NAV1: variants seen among roughly 807,000 people sequenced by gnomAD.
NAV1 encodes neuron navigator 1, also known as pore membrane and/or filament interacting like protein 3.
In NAV1, 18 loss-of-function variants were observed where a neutral mutation model predicts 175.2. The observed-to-expected ratio is 0.10, with a 90% CI of 0.07 to 0.15. NAV1 has a LOEUF of 0.15. Among genes scored for constraint, NAV1 ranks in the 10% least tolerant of loss-of-function variants. NAV1 has a pLI of 1.00. For synonymous variants in NAV1, 897 were observed against 978.7 expected (o/e 0.92, Z 1.56); for missense variants, 1,731 against 2,436.6 (o/e 0.71, Z 6.10).
intron 1 of NAV1, among the ~76,000 whole-genome samples, chr1:201,552,859 G>A (rs929671170): frequency 2.0e-5 from 3 of 152,196 alleles, no homozygotes; most frequent in Non-Finnish European, 4.4e-5. Context: ...CCAAATGGAT[G>A]TTTACGTATC....
chr1:201,804,209 C>T (rs1409357912), intron 16 of NAV1: 5 of 536,704 alleles, frequency 9.3e-6, no homozygotes, highest in Middle Eastern at 2.8e-4. Flanking sequence ...CATTTTTGTA[C>T]GTGTGGTTTT....
At chr1:201,674,654 G>T (rs492703) in intron 1 of NAV1, among the ~76,000 whole-genome samples, 21,870 of 152,202 alleles carry the variant, frequency 0.14, 1,729 homozygotes, top group African/African-American at 0.2. Flanking sequence ...GGCAGAAGGT[G>T]AAGTGGGAGC....
rs116033595 is a variant in NAV1, at chr1:201,733,985, C to T, written c.1226+15230C>T. The stretch of plus-strand genomic sequence containing the variant: ...GTCTGTCTGGCTACTATGAGGAGAG[C>T]AGACCACAGGGACACCAGGGGAACC... On this transcript the variant is annotated intron_variant, in intron 3 of 29. Coordinates refer to ENST00000367296, the Ensembl canonical transcript of NAV1. 5.4e-3 allele frequency among the ~76,000 whole-genome samples: 829 copies of T among 152,260 alleles called. 8 individuals carry two copies. Among genetic ancestry groups the T allele is most frequent in the African/African-American group, 0.018 (749 of 41,524 alleles).
chr1:201,699,888 A>G (rs577892334), intron 1 of NAV1, among the ~76,000 whole-genome samples: 201 of 152,374 alleles, frequency 1.3e-3, no homozygotes, highest in African/African-American at 4.5e-3. Context: ...GGCTAGCCAT[A>G]TGTAGAAAGC....
intron 1 of NAV1, among the ~76,000 whole-genome samples, chr1:201,585,168 A>T (rs1202266252): frequency 6.6e-6 from 1 of 152,166 alleles, no homozygotes; most frequent in African/African-American, 2.4e-5. Flanking sequence ...ACTGGGCTGG[A>T]TCTATTCTGG....
chr1:201,684,806 A>G (rs1670614895), intron 1 of NAV1, among the ~76,000 whole-genome samples: 1 of 151,556 alleles, frequency 6.6e-6, no homozygotes, highest in Admixed American at 6.6e-5. Flanking sequence ...AATTCTTAAT[A>G]CAAAAAATTA....
intron 3 of NAV1, among the ~76,000 whole-genome samples, chr1:201,766,968 C>T (rs566674142): frequency 2.6e-4 from 39 of 151,656 alleles, no homozygotes; most frequent in African/African-American, 8.9e-4. Context: ...ATTACAGGCA[C>T]GCACCACCAC....
intron 1 of NAV1, among the ~76,000 whole-genome samples, chr1:201,686,754 G>T (rs1425144335): frequency 2.0e-5 from 3 of 152,110 alleles, no homozygotes; most frequent in East Asian, 3.8e-4. Context: ...TTGGCTTCCG[G>T]GCAGCAATCT....
chr1:201,648,435 T>C (rs559892369), exon 1 of NAV1: 9 of 1,134,576 alleles, frequency 7.9e-6, no homozygotes, highest in East Asian at 8.2e-5. Flanking sequence ...CCGGCTTCCC[T>C]GCTCTTTCCT....
chr1:201,699,439 G>A (rs1671320696), intron 1 of NAV1, among the ~76,000 whole-genome samples: 1 of 152,162 alleles, frequency 6.6e-6, no homozygotes, highest in South Asian at 2.1e-4. Flanking sequence ...TGAAATAAAA[G>A]AGGATACAAA....
At chr1:201,625,848 CTTCA>C (rs1668316608) in intron 1 of NAV1, among the ~76,000 whole-genome samples, 1 of 152,228 alleles carries the variant, frequency 6.6e-6, no homozygotes, top group Admixed American at 6.5e-5. Flanking sequence ...GCTCAGAATT[CTTCA>C]TTCAAATATT....
At chr1:201,568,647 G>A (rs761011854) in intron 1 of NAV1, among the ~76,000 whole-genome samples, 14 of 152,146 alleles carry the variant, frequency 9.2e-5, no homozygotes, top group Non-Finnish European at 1.9e-4. Flanking sequence ...TCTGTAAAAT[G>A]AAAATGTTAA....
intron 2 of NAV1, among the ~76,000 whole-genome samples, chr1:201,638,641 C>T (rs947851490): frequency 1.3e-5 from 2 of 152,214 alleles, no homozygotes; most frequent in Non-Finnish European, 2.9e-5. Context: ...ATGGTAATAG[C>T]ATGAAGTTAT....
intron 2 of NAV1, among the ~76,000 whole-genome samples, chr1:201,598,079 A>C (rs1667407362): frequency 6.6e-6 from 1 of 152,178 alleles, no homozygotes; most frequent in Non-Finnish European, 1.5e-5. Flanking sequence ...GTTCTTCAAG[A>C]AGGCAGCTTT....
At chr1:201,540,289 G>C (rs892713896) in intron 1 of NAV1, among the ~76,000 whole-genome samples, 2 of 152,214 alleles carry the variant, frequency 1.3e-5, no homozygotes, top group Non-Finnish European at 2.9e-5. Context: ...GCTGGCGCCG[G>C]CTTAAGGGAA....
intron 1 of NAV1, among the ~76,000 whole-genome samples, chr1:201,701,422 A>T (rs1033806724): frequency 9.3e-5 from 6 of 64,498 alleles, no homozygotes; most frequent in Admixed American, 4.7e-4. Flanking sequence ...TAAAAAAAAT[A>T]AAAAAAGAAA....
At chr1:201,594,642 G>A (rs1056040343) in intron 2 of NAV1, among the ~76,000 whole-genome samples, 34 of 152,244 alleles carry the variant, frequency 2.2e-4, no homozygotes, top group African/African-American at 8.2e-4. Flanking sequence ...CCTTGAGGCA[G>A]AATCGGAAAT....
chr1:201,549,769 G>A (rs539481336), intron 1 of NAV1, among the ~76,000 whole-genome samples: 5 of 149,756 alleles, frequency 3.3e-5, no homozygotes, highest in African/African-American at 4.9e-5. Flanking sequence ...CCAGCACTTC[G>A]GGAGGCTGAA....
At chr1:201,753,055 C>G (rs1206774210) in intron 3 of NAV1, among the ~76,000 whole-genome samples, 1 of 152,126 alleles carries the variant, frequency 6.6e-6, no homozygotes, top group Non-Finnish European at 1.5e-5. Flanking sequence ...TATCTCAGCT[C>G]TGTCTGGGAT....
Sources: gnomAD v4.1 joint callset for allele counts (sites outside exome capture counted in the v4.1 genomes callset) on GRCh38, gnomAD v4.1.1 for gene constraint, MANE v1.5 for transcripts, NCBI Gene and HGNC (gene_info 2026-07-23, HGNC 2026-07-21) for gene names.